Variants in DNM3 observed in about 807,000 individuals in gnomAD.
The protein encoded by DNM3 is dynamin 3.
In DNM3, 47 loss-of-function variants were observed where a neutral mutation model predicts 101.6. The observed-to-expected ratio is 0.46, with a 90% CI of 0.37 to 0.59. The LOEUF is 0.59. Among genes scored for constraint, DNM3 ranks in the 20% least tolerant of loss-of-function variants. The probability of loss-of-function intolerance (pLI) is 0.00; values close to 1 mark genes in which losing one functional copy is unlikely to be tolerated. For missense variants in DNM3, 849 were observed against 1,085.7 expected (o/e 0.78, Z 3.06); for synonymous variants, 385 against 387.9 (o/e 0.99, Z 0.09).
intron 15 of DNM3, among the ~76,000 whole-genome samples, chr1:172,268,814 G>A (rs1260547540): frequency 3.9e-5 from 6 of 152,118 alleles, no homozygotes; most frequent in East Asian, 1.9e-4. Flanking sequence ...GGAGTATGAC[G>A]TCCTACTTGG....
intron 2 of DNM3, among the ~76,000 whole-genome samples, chr1:171,929,343 C>T (rs372934482): frequency 6.6e-6 from 1 of 152,070 alleles, no homozygotes; most frequent in African/African-American, 2.4e-5. Context: ...AACAGGATTG[C>T]GGACACATTT....
At chr1:171,853,224 C>T (rs1212301048) in intron 1 of DNM3, among the ~76,000 whole-genome samples, 8 of 151,962 alleles carry the variant, frequency 5.3e-5, no homozygotes, top group African/African-American at 1.9e-4. Flanking sequence ...AGGGCAATGG[C>T]ATGAAAACTG....
intron 18 of DNM3, among the ~76,000 whole-genome samples, chr1:172,380,382 A>G (rs1018612667): frequency 6.6e-6 from 1 of 152,074 alleles, no homozygotes. Flanking sequence ...TTCATTGTCC[A>G]TGATCTCTGC....
chr1:172,187,368 C>G (rs1228162491), intron 14 of DNM3, among the ~76,000 whole-genome samples: 1 of 151,990 alleles, frequency 6.6e-6, no homozygotes, highest in Non-Finnish European at 1.5e-5. Context: ...TTAATACAAT[C>G]TTAGCATTAT....
chr1:172,352,554 G>T (rs1351501318), intron 17 of DNM3, among the ~76,000 whole-genome samples: 2 of 152,094 alleles, frequency 1.3e-5, no homozygotes, highest in African/African-American at 4.8e-5. Flanking sequence ...GAGCTACTGA[G>T]CACCTTAGTA....
At chr1:172,225,491 A>G (rs898656334) in intron 14 of DNM3, among the ~76,000 whole-genome samples, 1 of 151,998 alleles carries the variant, frequency 6.6e-6, no homozygotes, top group African/African-American at 2.4e-5. Context: ...GTCAGCACAT[A>G]TGATCCAAAA....
intron 14 of DNM3, among the ~76,000 whole-genome samples, chr1:172,241,273 G>T (rs990150691): frequency 2.2e-4 from 32 of 146,302 alleles, no homozygotes; most frequent in Non-Finnish European, 6.0e-5. Flanking sequence ...GTGCACGTGT[G>T]TATTTCTTGG....
At chr1:172,313,793 TTTAC>T (rs1172709134) in intron 16 of DNM3, among the ~76,000 whole-genome samples, 1 of 142,916 alleles carries the variant, frequency 7.0e-6, no homozygotes, top group African/African-American at 2.7e-5. Flanking sequence ...TATTTATTTA[TTTAC>T]TTACTTATTT....
chr1:171,901,112 C>CAAAAAAAAAAAA (rs1243053508), intron 1 of DNM3, among the ~76,000 whole-genome samples: 3 of 66,748 alleles, frequency 4.5e-5, no homozygotes, highest in African/African-American at 6.3e-5. Context: ...GACTCTGTCT[C>CAAAAAAAAAAAA]AAAAAAAAAA....
At chr1:171,958,122 A>G (rs531889899) in intron 2 of DNM3, among the ~76,000 whole-genome samples, 303 of 152,316 alleles carry the variant, frequency 2.0e-3, no homozygotes, top group African/African-American at 6.9e-3. Flanking sequence ...CACGTCTCAC[A>G]TGGCAGCAAA....
At chr1:172,246,712 T>G (rs989142358) in intron 14 of DNM3, among the ~76,000 whole-genome samples, 2 of 152,108 alleles carry the variant, frequency 1.3e-5, no homozygotes, top group African/African-American at 4.8e-5. Flanking sequence ...TGGCGGGCAA[T>G]CCAGTGTCTC....
At position 172,104,376 on chromosome 1, in the gene DNM3, C is replaced by T. The variant is rs182984466; in HGVS notation, c.1545+11501C>T. The stretch of plus-strand genomic sequence containing the variant: ...TGTTTGTTTGTTTGATAATCATATA[C>T]TTCTGTCTTCTTAAACCACAGTTAC... On this transcript the variant is annotated intron_variant, in intron 13 of 20. Coordinates refer to ENST00000627582, the MANE Select transcript of DNM3 (RefSeq NM_015569.5). Among the ~76,000 whole-genome samples, 546 of 151,918 alleles carry T rather than the reference C, an allele frequency of 3.6e-3. 7 individuals carry two copies. Among genetic ancestry groups the T allele is most frequent in the African/African-American group, 0.013 (522 of 41,452 alleles).
At chr1:172,061,406 T>C (rs2051188977) in intron 10 of DNM3, among the ~76,000 whole-genome samples, 1 of 150,852 alleles carries the variant, frequency 6.6e-6, no homozygotes, top group South Asian at 2.1e-4. Context: ...CATGTATGTT[T>C]ATTGCAGCAC....
At chr1:172,112,153 A>G (rs763980894) in intron 13 of DNM3, among the ~76,000 whole-genome samples, 4 of 152,226 alleles carry the variant, frequency 2.6e-5, no homozygotes, top group Non-Finnish European at 4.4e-5. Context: ...ATGGATAATA[A>G]TAAAAATAGC....
chr1:172,070,911 A>C (rs1024618363), intron 11 of DNM3, among the ~76,000 whole-genome samples: 1 of 151,162 alleles, frequency 6.6e-6, no homozygotes, highest in Non-Finnish European at 1.5e-5. Flanking sequence ...AACATGGTGA[A>C]ACCCTCTCTC....
chr1:172,225,427 A>G (rs1230227532), intron 14 of DNM3, among the ~76,000 whole-genome samples: 1 of 151,740 alleles, frequency 6.6e-6, no homozygotes, highest in African/African-American at 2.4e-5. Context: ...GAGCCACCGT[A>G]CCCGACCGTC....
At chr1:172,258,018 G>C (rs1382315804) in intron 15 of DNM3, among the ~76,000 whole-genome samples, 1 of 151,932 alleles carries the variant, frequency 6.6e-6, no homozygotes, top group African/African-American at 2.4e-5. Flanking sequence ...TCCTATTTAT[G>C]AGCAAGTACA....
At chr1:171,841,941 G>C in intron 1 of DNM3, 124 bp downstream of exon 1, 1 of 587,552 alleles carries the variant, frequency 1.7e-6, no homozygotes, top group Non-Finnish European at 2.6e-6. Flanking sequence ...GGAATGGGGG[G>C]CAGAGTGGAA....
At chr1:172,086,702 G>A (rs2053555519) in intron 12 of DNM3, among the ~76,000 whole-genome samples, 1 of 152,180 alleles carries the variant, frequency 6.6e-6, no homozygotes, top group Non-Finnish European at 1.5e-5. Context: ...TGACAGCTTA[G>A]TGGTGACCTA....
Sources: allele counts gnomAD v4.1 joint callset (sites outside exome capture counted in the v4.1 genomes callset), GRCh38; gene constraint gnomAD v4.1.1; transcripts MANE v1.5; gene names NCBI Gene and HGNC (gene_info 2026-07-23, HGNC 2026-07-21).